The following TIA1 variants were observed in gnomAD, a reference collection of about 807,000 sequenced individuals.
The protein encoded by TIA1 is cytotoxic granule associated RNA binding protein TIA1.
TIA1 carries 23 observed loss-of-function variants against 65.9 expected under a neutral mutation model. The ratio of observed to expected loss-of-function variants is 0.35; its 90% confidence interval spans 0.25 to 0.49. The LOEUF (loss-of-function observed/expected upper bound fraction) is 0.49. Among genes scored for constraint, TIA1 ranks in the 20% least tolerant of loss-of-function variants. The probability of loss-of-function intolerance (pLI) is 0.98; values close to 1 mark genes in which losing one functional copy is unlikely to be tolerated. For synonymous variants in TIA1, 147 were observed against 149.4 expected, an observed-to-expected ratio of 0.98 and a Z score of 0.12; for missense variants, 371 against 477.9, an observed-to-expected ratio of 0.78 and a Z score of 2.09.
chr2:70,244,373 CTAT>C (rs1693281914), intron 1 of TIA1, among the ~76,000 whole-genome samples: 1 of 152,116 alleles, frequency 6.6e-6, no homozygotes, highest in Admixed American at 6.6e-5. Context: ...CGTAAAAGGC[CTAT>C]TATATGTACT....
chr2:70,210,895 C>T lies in TIA1; in HGVS notation c.*1824G>A, dbSNP rs1447919718. ...TAATGTATCAACACTTAAAAATACA[C>T]AGTGACTTAATGAAATATCAGCACA... On this transcript the variant is annotated 3_prime_UTR_variant, in exon 13 of 13. Coordinates refer to ENST00000433529, the MANE Select transcript of TIA1 (RefSeq NM_022173.4). 6.6e-6 allele frequency: 1 copy of T among 152,186 alleles called. No individual in the cohort carries two copies. The allele number at this position is 152,186 out of a possible 1,614,324, so 9.4% of individuals were successfully genotyped here.
chr2:70,248,552 G>A lies in TIA1; in HGVS notation c.-122C>T. 6.9e-7 allele frequency: 1 copy of A among 1,454,600 alleles called. No individual in the cohort carries two copies. Among genetic ancestry groups the A allele is most frequent in the Non-Finnish European group, 9.4e-7 (1 of 1,061,098 alleles). 90.1% of individuals were successfully genotyped at this position (1,454,600 alleles called of 1,614,324 possible). A position where few individuals can be genotyped will look rare whatever the true frequency, so the allele number is the denominator to read the frequency against. On this transcript the variant is annotated 5_prime_UTR_variant, in exon 1 of 13. Transcript: ENST00000433529. ...TTCTCGGCTGACCAGAGGTTACTCC[G>A]CCTCCTCCTCCGGCGGCAATTACAC... is the stretch of plus-strand genomic sequence containing the variant.
In TIA1 at chr2:70,212,745, G is replaced by A. The variant is rs748157704; in HGVS notation, c.1135C>T (p.Arg379Ter). The A allele has an allele frequency of 4.3e-6, 7 of 1,613,872 alleles. No homozygotes were observed. The highest frequency in any genetic ancestry group is 2.2e-5 in the South Asian group (2 of 91,054). Residue 379 changes from arginine (R) to a stop codon, truncating the protein, a stop_gained, in exon 13 of 13, where the codon CGA (arginine) becomes TGA (stop). Transcript: ENST00000433529. LOFTEE classifies it high-confidence loss of function. ...CACTGGGTTTCATACCCTGCCACTCGATACCCAGAAGGCTGATTGGGCAAC... is the reference window on the plus strand; with the variant it reads ...CACTGGGTTTCATACCCTGCCACTCAATACCCAGAAGGCTGATTGGGCAAC... ...SMLPNQPSGY[R>*]VAGYETQ
intron 10 of TIA1, chr2:70,215,749 T>C: frequency 2.6e-6 from 1 of 383,354 alleles, no homozygotes; most frequent in South Asian, 3.2e-5. Context: ...CTAGAGAAAT[T>C]TCAATTTTTT....
intron 7 of TIA1, among the ~76,000 whole-genome samples, chr2:70,220,373 C>T (rs1680728695): frequency 6.6e-6 from 1 of 151,976 alleles, no homozygotes. Flanking sequence ...TGTGCCACCA[C>T]ACTCCAGCCT....
At chr2:70,235,993 G>C (rs561203992) in intron 2 of TIA1, 86 bp downstream of exon 2, 1 of 756,538 alleles carries the variant, frequency 1.3e-6, no homozygotes, top group Non-Finnish European at 2.2e-6. Context: ...TTAGACCATG[G>C]TAAACTAAGA....
At chr2:70,239,142 G>A (rs1479835413) in intron 1 of TIA1, among the ~76,000 whole-genome samples, 1 of 152,160 alleles carries the variant, frequency 6.6e-6, no homozygotes, top group Non-Finnish European at 1.5e-5. Flanking sequence ...GCCCAGGCTG[G>A]AGTGCAGTGG....
At chr2:70,247,928 G>A (rs961941941) in intron 1 of TIA1, among the ~76,000 whole-genome samples, 6 of 150,072 alleles carry the variant, frequency 4.0e-5, no homozygotes, top group South Asian at 2.1e-4. Flanking sequence ...CCCTCGAGGA[G>A]GAAAAAAAAT....
intron 1 of TIA1, among the ~76,000 whole-genome samples, chr2:70,239,207 C>T (rs916650875): frequency 6.6e-6 from 1 of 152,178 alleles, no homozygotes; most frequent in African/African-American, 2.4e-5. Flanking sequence ...ATTCTCCTGC[C>T]TCAGCCTCCC....
Position 70,230,751 on chromosome 2 carries a change from C to A in TIA1, c.222+5G>T. ...AAGTCACCTTCTTTAATTACGACAG[C>A]TTACCTTACCCATTATCTTCCGTCC... On this transcript the variant is annotated splice_donor_5th_base_variant and intron_variant, in intron 3 of 12. Transcript: ENST00000433529. 1 of 1,586,674 alleles carries A rather than the reference C, an allele frequency of 6.3e-7. No homozygotes were observed. Among genetic ancestry groups the A allele is most frequent in the Non-Finnish European group, 8.5e-7 (1 of 1,170,156 alleles).
intron 1 of TIA1, among the ~76,000 whole-genome samples, chr2:70,244,153 C>G (rs576236951): frequency 6.6e-6 from 1 of 152,306 alleles, no homozygotes; most frequent in Non-Finnish European, 1.5e-5. Flanking sequence ...GGGCCCCTTG[C>G]ACTAGCTCTT....
intron 1 of TIA1, among the ~76,000 whole-genome samples, chr2:70,244,165 C>A (rs1693152328): frequency 6.6e-6 from 1 of 152,176 alleles, no homozygotes; most frequent in South Asian, 2.1e-4. Flanking sequence ...CTAGCTCTTT[C>A]TAGGGTGCTC....
rs1396345717 is a variant in TIA1 at position 70,228,496 on chromosome 2, C to T, written c.310+563G>A. ...AACAGAATGAAAACAGTAATCCCTTCACTTTATATCAGAACCATTAAAAAA... is the reference window on the plus strand; with the variant it reads ...AACAGAATGAAAACAGTAATCCCTTTACTTTATATCAGAACCATTAAAAAA... On this transcript the variant is annotated intron_variant, in intron 5 of 12. Transcript: ENST00000433529. The T allele has an allele frequency of 3.2e-6, 4 of 1,234,356 alleles. No individual in the cohort carries two copies. In the South Asian group the frequency reaches 4.2e-5, roughly 13 times the overall value. The allele number at this position is 1,234,356 out of a possible 1,614,324, so 76.5% of individuals were successfully genotyped here. A position where few individuals can be genotyped will look rare whatever the true frequency, so the allele number is the denominator to read the frequency against.
intron 6 of TIA1, among the ~76,000 whole-genome samples, chr2:70,225,691 C>T (rs972297256): frequency 1.3e-5 from 2 of 152,084 alleles, no homozygotes; most frequent in Admixed American, 6.6e-5. Context: ...ATGACAAAGA[C>T]GTGGTGGTGA....
intron 2 of TIA1, among the ~76,000 whole-genome samples, chr2:70,233,986 T>C (rs1185665034): frequency 6.6e-6 from 1 of 152,184 alleles, no homozygotes; most frequent in Non-Finnish European, 1.5e-5. Context: ...TCTAAGCTTT[T>C]GAGCGATCAG....
At chr2:70,227,866 T>G (rs778903469) in intron 5 of TIA1, 44 bp from the exon 6 acceptor site, 6 of 1,368,362 alleles carry the variant, frequency 4.4e-6, no homozygotes, top group Middle Eastern at 2.0e-4. Flanking sequence ...AAATAGAACT[T>G]TAGAATTTAA....
chr2:70,225,082 A>C (rs1337096306), intron 6 of TIA1: 2 of 995,864 alleles, frequency 2.0e-6, no homozygotes, highest in Non-Finnish European at 2.4e-6. Context: ...TATATTCCCT[A>C]AACTAATTAA....
chr2:70,222,119 TAAAAC>T (rs942469332), intron 7 of TIA1, among the ~76,000 whole-genome samples: 5 of 149,216 alleles, frequency 3.4e-5, no homozygotes, highest in Non-Finnish European at 5.9e-5. Flanking sequence ...AAGCTGCTGT[TAAAAC>T]AAAAACAAAA....
At chr2:70,221,742 T>C (rs1445239534) in intron 7 of TIA1, among the ~76,000 whole-genome samples, 1 of 152,148 alleles carries the variant, frequency 6.6e-6, no homozygotes, top group Non-Finnish European at 1.5e-5. Flanking sequence ...TTGGTAATAG[T>C]TGCACAATTC....
Sources: allele counts gnomAD v4.1 joint callset (sites outside exome capture counted in the v4.1 genomes callset), GRCh38; gene constraint gnomAD v4.1.1; transcripts MANE v1.5; gene names NCBI Gene and HGNC (gene_info 2026-07-23, HGNC 2026-07-21).